Variants in USP10 observed in about 807,000 individuals in gnomAD.
USP10 encodes ubiquitin specific peptidase 10.
USP10 carries 22 observed loss-of-function variants against 84.5 expected under a neutral mutation model. The ratio of observed to expected loss-of-function variants is 0.26; its 90% CI spans 0.19 to 0.37. The LOEUF is 0.37. Ranked by LOEUF, USP10 falls within the 10% of genes least tolerant of loss-of-function variation. The probability of loss-of-function intolerance (pLI) is 1.00; values close to 1 mark genes in which losing one functional copy is unlikely to be tolerated. For synonymous variants in USP10, 454 were observed against 387.6 expected, an observed-to-expected ratio of 1.17 and a Z score of -2.01; for missense variants, 1,019 against 998.9, an observed-to-expected ratio of 1.02 and a Z score of -0.27.
chr16:84,743,905 G>T (rs1217155186), intron 3 of USP10, among the ~76,000 whole-genome samples: 1 of 152,190 alleles, frequency 6.6e-6, no homozygotes, highest in South Asian at 2.1e-4. Flanking sequence ...GGTTAATCCA[G>T]TGTGAATTTA....
intron 2 of USP10, among the ~76,000 whole-genome samples, chr16:84,737,013 C>G (rs1279181908): frequency 6.6e-6 from 1 of 152,212 alleles, no homozygotes; most frequent in African/African-American, 2.4e-5. Context: ...TGGTCTTGAT[C>G]TCCTGACCTC....
chr16:84,767,292 A>T (rs184783087), intron 10 of USP10, among the ~76,000 whole-genome samples: 1 of 152,104 alleles, frequency 6.6e-6, no homozygotes, highest in East Asian at 1.9e-4. Flanking sequence ...GCTAAATGAG[A>T]GATGGGCCGA....
intron 1 of USP10, chr16:84,732,333 A>G (rs773902884): frequency 1.1e-5 from 4 of 349,276 alleles, no homozygotes; most frequent in Admixed American, 4.0e-5. Context: ...TATACCCAGT[A>G]CTGATCATAC....
At chr16:84,746,750 AC>A (rs1911271538) in intron 4 of USP10, among the ~76,000 whole-genome samples, 2 of 152,210 alleles carry the variant, frequency 1.3e-5, no homozygotes, top group Non-Finnish European at 2.9e-5. Context: ...AGGCTGTACT[AC>A]GTTGATTTAC....
intron 4 of USP10, among the ~76,000 whole-genome samples, chr16:84,748,549 C>G (rs61274531): frequency 0.032 from 4,904 of 152,234 alleles, 236 homozygotes; most frequent in African/African-American, 0.11. Flanking sequence ...AGTGATCCTC[C>G]TGCCTCAGCC....
intron 2 of USP10, among the ~76,000 whole-genome samples, chr16:84,736,851 T>C (rs1197874900): frequency 1.3e-5 from 2 of 152,168 alleles, no homozygotes; most frequent in African/African-American, 2.4e-5. Flanking sequence ...TGCAGGGGCG[T>C]GATCTCGGCT....
At chr16:84,719,082 G>A (rs773763332) in intron 1 of USP10, among the ~76,000 whole-genome samples, 3 of 152,014 alleles carry the variant, frequency 2.0e-5, no homozygotes, top group Non-Finnish European at 2.9e-5. Context: ...ATGAGCCACC[G>A]CGCCCGGCCA....
chr16:84,737,928 C>G (rs922324833), intron 2 of USP10, among the ~76,000 whole-genome samples: 1 of 152,262 alleles, frequency 6.6e-6, no homozygotes, highest in Non-Finnish European at 1.5e-5. Flanking sequence ...CCCGCCTCTC[C>G]ACTTGGCTTG....
chr16:84,700,394 C>A (rs947118565), intron 1 of USP10, among the ~76,000 whole-genome samples: 1 of 152,018 alleles, frequency 6.6e-6, no homozygotes, highest in African/African-American at 2.4e-5. Context: ...GGGTTAACCT[C>A]CCTGGGGCTG....
At chr16:84,743,298 G>A (rs1910835999) in intron 3 of USP10, among the ~76,000 whole-genome samples, 1 of 152,146 alleles carries the variant, frequency 6.6e-6, no homozygotes. Flanking sequence ...GGGCAGGATT[G>A]TGCTGCCACC....
chr16:84,775,146 A>G lies in USP10; in HGVS notation c.2144-14A>G, dbSNP rs759547689. The G allele has an allele frequency of 6.8e-6, 11 of 1,613,128 alleles. No homozygotes were observed. The African/African-American group carries it at 1.3e-4, about 20-fold the overall frequency. On this transcript the variant is annotated splice_polypyrimidine_tract_variant and intron_variant, in intron 12 of 13. Transcript: ENST00000219473. Reference sequence around the variant, plus strand: ...TCTAAAAGTGCTTCAAGCCATTGATATTTTGTTTTCCAGAACTGCTTTCTC... The same window carrying G: ...TCTAAAAGTGCTTCAAGCCATTGATGTTTTGTTTTCCAGAACTGCTTTCTC...
intron 1 of USP10, among the ~76,000 whole-genome samples, chr16:84,720,599 T>TTTC (rs869278386): frequency 6.9e-6 from 1 of 145,450 alleles, no homozygotes; most frequent in Non-Finnish European, 1.5e-5. Context: ...TTTTTTTTTT[T>TTTC]GAGATGGAGC....
intron 8 of USP10, among the ~76,000 whole-genome samples, chr16:84,762,639 T>C (rs1169094896): frequency 3.3e-5 from 5 of 150,928 alleles, no homozygotes; most frequent in Admixed American, 1.3e-4. Context: ...TGCACTGAGC[T>C]GAGATTGCAC....
In USP10 at chr16:84,712,047, C is replaced by G. The variant is rs76255952; in HGVS notation, c.21+11936C>G. ...TTTTGCTTTTTAAGGTGGACAGAAA[C>G]ACCTTGCAGCTGTGCTTCGTTGCCC... On this transcript the variant is annotated intron_variant, in intron 1 of 13. Transcript: ENST00000219473. Among the ~76,000 whole-genome samples, 215 of 152,286 alleles carry G rather than the reference C, an allele frequency of 1.4e-3. 1 individual carries two copies. The East Asian group carries it at 0.038, about 27-fold the overall frequency.
At chr16:84,768,980 C>G (rs1190499907) in intron 11 of USP10, among the ~76,000 whole-genome samples, 1 of 152,146 alleles carries the variant, frequency 6.6e-6, no homozygotes, top group Non-Finnish European at 1.5e-5. Flanking sequence ...CCTGTGAGAG[C>G]TTATTAGTTC....
intron 1 of USP10, among the ~76,000 whole-genome samples, chr16:84,723,279 A>G (rs1051189123): frequency 6.6e-6 from 1 of 152,118 alleles, no homozygotes; most frequent in Non-Finnish European, 1.5e-5. Flanking sequence ...TGTTCCTTTA[A>G]AGTGTTCTGT....
At chr16:84,776,972 C>G (rs1263128836) in intron 13 of USP10, among the ~76,000 whole-genome samples, 1 of 152,226 alleles carries the variant, frequency 6.6e-6, no homozygotes, top group African/African-American at 2.4e-5. Context: ...ACCACCACAT[C>G]CAGCTAATTT....
intron 1 of USP10, among the ~76,000 whole-genome samples, chr16:84,725,972 G>A (rs953605913): frequency 8.5e-5 from 13 of 152,192 alleles, no homozygotes; most frequent in African/African-American, 2.9e-4. Flanking sequence ...ATTTGCCACT[G>A]TGAGGCTTAG....
chr16:84,725,567 A>AT lies in USP10; in HGVS notation c.22-7859dup, dbSNP rs1359798733. Among the ~76,000 whole-genome samples, 750 of 150,860 alleles carry AT rather than the reference A, an allele frequency of 5.0e-3. 9 individuals are homozygous for AT. The highest frequency in any genetic ancestry group is 0.017 in the African/African-American group (712 of 41,142). ...AGGCGCCTGCCACCATGCCCGGCTAATTTTTTTTTGTGTTTTTAGTAGAGA... is the reference window on the plus strand; with the variant it reads ...AGGCGCCTGCCACCATGCCCGGCTAATTTTTTTTTTGTGTTTTTAGTAGAGA... On this transcript the variant is annotated intron_variant, in intron 1 of 13. Coordinates refer to ENST00000219473, the MANE Select transcript of USP10 (RefSeq NM_005153.3).
Sources: gnomAD v4.1 joint callset for allele counts (sites outside exome capture counted in the v4.1 genomes callset) on GRCh38, gnomAD v4.1.1 for gene constraint, MANE v1.5 for transcripts, NCBI Gene and HGNC (gene_info 2026-07-23, HGNC 2026-07-21) for gene names.